FNDC5: variants seen among roughly 807,000 people sequenced by gnomAD.
FNDC5 encodes fibronectin type III domain-containing protein 5.
FNDC5 carries 10 observed loss-of-function variants against 24.6 expected under a neutral mutation model. That is an observed-to-expected ratio of 0.41 (90% CI 0.25 to 0.69). FNDC5 has a LOEUF of 0.69. Ranked by LOEUF, FNDC5 falls within the 30% of genes least tolerant of loss-of-function variation. FNDC5 has a pLI of 0.34. For synonymous variants in FNDC5, 90 were observed against 110.7 expected (o/e 0.81, Z 1.18); for missense variants, 226 against 282.9 (o/e 0.80, Z 1.44).
chr1:32,864,879 T>C (rs1203933133), intron 4 of FNDC5, 82 bp from the exon 5 acceptor site: 13 of 1,567,830 alleles, frequency 8.3e-6, no homozygotes, highest in African/African-American at 6.7e-5. Flanking sequence ...TGCTTGCCAA[T>C]GGTCTCTCCA....
rs778471724 is a variant in FNDC5 at position 32,867,838 on chromosome 1, C to G, written c.414G>C (p.Glu138Asp). 2 of 1,613,968 alleles carry G rather than the reference C, an allele frequency of 1.2e-6. No homozygotes were observed. The highest frequency in any genetic ancestry group is 4.5e-5 in the East Asian group (2 of 44,868). The change falls in exon 4 of 6, where the codon GAG (glutamate) becomes GAC (aspartate). Residue 138 changes from glutamate (E) to aspartate (D), a missense_variant. Glu to Asp is a conservative substitution (Grantham distance 45). Transcript: ENST00000373471. ...TCCTCCCCATCTCTTTCATGGTTAC[C>G]TCATCTGCAGGGAGAGAGACACTAG...
chr1:32,864,228 T>C lies in FNDC5; in HGVS notation c.*66A>G. 1 of 1,613,896 alleles carries C rather than the reference T, an allele frequency of 6.2e-7. No individual in the cohort carries two copies. Among genetic ancestry groups the C allele is most frequent in the Non-Finnish European group, 8.5e-7 (1 of 1,179,786 alleles). On this transcript the variant is annotated 3_prime_UTR_variant, in exon 6 of 6. Transcript: ENST00000373471. The stretch of plus-strand genomic sequence containing the variant: ...TGTTGGATAATCATCATCAGAACCA[T>C]GAGATCCTCTCACATTCTCTACTGT...
intron 5 of FNDC5, 160 bp downstream of exon 5, chr1:32,864,504 A>T (rs1013973837): frequency 2.7e-6 from 4 of 1,496,138 alleles, no homozygotes; most frequent in Admixed American, 2.4e-5. Context: ...AGAGGATCCA[A>T]AATCAACTTG....
upstream of FNDC5, chr1:32,870,915 C>T (rs1266548682): frequency 6.8e-6 from 1 of 147,690 alleles, no homozygotes; most frequent in Non-Finnish European, 1.5e-5. Context: ...CAGCGACTCC[C>T]GCGCGGCGGC....
At chr1:32,872,036 T>A (rs899475164), upstream of FNDC5, among the ~76,000 whole-genome samples, 11 of 152,186 alleles carry the variant, frequency 7.2e-5, no homozygotes, top group Admixed American at 6.6e-4. Context: ...AGGGCTAATT[T>A]TCTTTGGAAA....
intron 1 of FNDC5, among the ~76,000 whole-genome samples, chr1:32,869,834 C>T (rs1264984869): frequency 1.3e-5 from 2 of 152,030 alleles, no homozygotes; most frequent in Non-Finnish European, 2.9e-5. Flanking sequence ...GGGGCAGGTG[C>T]AGCACGGGGC....
rs1440918146 is a variant in FNDC5 at position 32,868,736 on chromosome 1, CAT to C, written c.210+144_210+145del. ...TCTGAATGGGGCCCCAATTTTCAGA[CAT>C]ATGTCCAAATTGCTGTTCATCTCCC... is the stretch of plus-strand genomic sequence containing the variant. On this transcript the variant is annotated intron_variant, in intron 2 of 5. Transcript: ENST00000373471. The surrounding 1 kb of genome is among the most constrained non-coding windows in gnomAD (Gnocchi z 4.8). The C allele has an allele frequency of 3.5e-6, 2 of 574,392 alleles. No homozygotes were observed. The highest frequency in any genetic ancestry group is 3.7e-5 in the Admixed American group (1 of 27,356). The allele number at this position is 574,392 out of a possible 1,614,324, so 35.6% of individuals were successfully genotyped here. A position where few individuals can be genotyped will look rare whatever the true frequency, so the allele number is the denominator to read the frequency against.
In FNDC5 at chr1:32,867,807, G is replaced by C; in HGVS notation, c.445C>G (p.Gln149Glu). ...ATCAGCACCTCGCCTGTCCGCAGCT[G>C]TTGGTTCCTCCCCATCTCTTTCATG... The change falls in exon 4 of 6, where the codon CAG (glutamine) becomes GAG (glutamate). Residue 149 changes from glutamine to glutamate, a missense_variant. Transcript: ENST00000373471. 1 of 1,614,088 alleles carries C rather than the reference G, an allele frequency of 6.2e-7. No homozygotes were observed. Among genetic ancestry groups the C allele is most frequent in the Non-Finnish European group, 8.5e-7 (1 of 1,180,004 alleles).
intron 1 of FNDC5, 70 bp from the exon 2 acceptor site, chr1:32,869,067 T>C: frequency 2.2e-6 from 2 of 907,740 alleles, no homozygotes; most frequent in South Asian, 5.7e-5. Context: ...GTCTCATAAG[T>C]AAGAAGGGGA....
intron 4 of FNDC5, among the ~76,000 whole-genome samples, chr1:32,867,056 C>T (rs533655746): frequency 6.6e-6 from 1 of 152,160 alleles, no homozygotes; most frequent in African/African-American, 2.4e-5. Flanking sequence ...CACCACTGCA[C>T]TCCAACCTGG....
Position 32,867,835 on chromosome 1 carries a change from T to G in FNDC5, c.417A>C (p.Val139=). The G allele has an allele frequency of 6.2e-7, 1 of 1,614,016 alleles. No homozygotes were observed. The highest frequency in any genetic ancestry group is 1.1e-5 in the South Asian group (1 of 91,068). The change falls in exon 4 of 6, where the codon GTA becomes GTC. Residue 139 remains valine (V), a synonymous_variant. Coordinates refer to ENST00000373471, the MANE Select transcript of FNDC5 (RefSeq NM_153756.3). Reference sequence around the variant, plus strand: ...GGTTCCTCCCCATCTCTTTCATGGTTACCTCATCTGCAGGGAGAGAGACAC... The same window carrying G: ...GGTTCCTCCCCATCTCTTTCATGGTGACCTCATCTGCAGGGAGAGAGACAC...
Position 32,868,367 on chromosome 1 carries a change from G to A in FNDC5, c.232C>T (p.Arg78Cys), listed in dbSNP as rs1031880380. 1.9e-6 allele frequency: 3 copies of A among 1,614,064 alleles called. No homozygotes were observed. Among genetic ancestry groups the A allele is most frequent in the Non-Finnish European group, 2.5e-6 (3 of 1,179,960 alleles). Residue 78 changes from arginine to cysteine, a missense_variant, in exon 3 of 6, where the codon CGC becomes TGC. Coordinates refer to ENST00000373471, the MANE Select transcript of FNDC5 (RefSeq NM_153756.3). The surrounding 1 kb of genome is among the most constrained non-coding windows in gnomAD (Gnocchi z 4.8). ...GTGGTGTTCACCTCCTGGATGAAGC[G>A]CAGCATCCGCACATCCTTCTTCTGC...
intron 4 of FNDC5, among the ~76,000 whole-genome samples, chr1:32,867,075 A>C (rs963311411): frequency 6.6e-6 from 1 of 152,082 alleles, no homozygotes; most frequent in Non-Finnish European, 1.5e-5. Flanking sequence ...GGGTCTCAAA[A>C]AACAAAACCT....
chr1:32,864,904 T>C (rs1231552909), intron 4 of FNDC5, 107 bp from the exon 5 acceptor site: 39 of 1,488,462 alleles, frequency 2.6e-5, no homozygotes, highest in Non-Finnish European at 3.4e-5. Context: ...GTACCTCACC[T>C]GTACTACTGC....
intron 1 of FNDC5, among the ~76,000 whole-genome samples, chr1:32,870,417 T>C (rs1641158042): frequency 6.6e-6 from 1 of 151,794 alleles, no homozygotes; most frequent in African/African-American, 2.4e-5. Context: ...ATTAGGGGAC[T>C]GGGGACCACA....
rs201474569 is a variant in FNDC5, at chr1:32,864,260, T to G, written c.*34A>C. On this transcript the variant is annotated 3_prime_UTR_variant, in exon 6 of 6. Transcript: ENST00000373471. ...CTCTCACATTCTCTACTGTCTGTCT[T>G]CTTAGCTGCTGAGGGCAAGCACTGA... The G allele has an allele frequency of 1.6e-4, 257 of 1,614,068 alleles. No homozygotes were observed. Among genetic ancestry groups the G allele is most frequent in the Admixed American group, 6.5e-4 (39 of 60,008 alleles).
chr1:32,868,980 C>G lies in FNDC5; in HGVS notation c.112G>C (p.Val38Leu), dbSNP rs1641127252. ...TTGAGGTGCCTGACGGTGACGTTCA[C>G]TGGGGCTGAGGGACTGTCTGGGGGA... Residue 38 changes from valine (V) to leucine (L), a missense_variant, in exon 2 of 6, where the codon GTG (valine) becomes CTG (leucine). Coordinates refer to ENST00000373471, the MANE Select transcript of FNDC5 (RefSeq NM_153756.3). This position sits in a 1 kb window ranked among gnomAD's most constrained non-coding sequence, Gnocchi z 4.8. 1 of 1,234,388 alleles carries G rather than the reference C, an allele frequency of 8.1e-7. No individual in the cohort carries two copies. Among genetic ancestry groups the G allele is most frequent in the African/African-American group, 1.5e-5 (1 of 64,580 alleles). 76.5% of individuals were successfully genotyped at this position (1,234,388 alleles called of 1,614,324 possible). A position where few individuals can be genotyped will look rare whatever the true frequency, so the allele number is the denominator to read the frequency against.
At chr1:32,864,548 TC>T in intron 5 of FNDC5, 115 bp downstream of exon 5, 8 of 1,560,182 alleles carry the variant, frequency 5.1e-6, no homozygotes, top group Non-Finnish European at 6.9e-6. Context: ...AGCAGCCAAG[TC>T]TGGCTCTGCC....
At chr1:32,871,068 G>A (rs1641176793), upstream of FNDC5, 1 of 150,648 alleles carries the variant, frequency 6.6e-6, no homozygotes, top group African/African-American at 2.4e-5. Flanking sequence ...GGGGAGGAAG[G>A]GGCTTCGCGG....
Sources: allele counts gnomAD v4.1 joint callset (sites outside exome capture counted in the v4.1 genomes callset), GRCh38; gene constraint gnomAD v4.1.1; non-coding constraint Gnocchi (gnomAD v3.1); transcripts MANE v1.5; gene names NCBI Gene and HGNC (gene_info 2026-07-23, HGNC 2026-07-21).